Variants in TAFA2 observed in about 807,000 individuals in gnomAD.
TAFA2 encodes the protein TAFA chemokine like family member 2.
TAFA2 carries 7 observed loss-of-function variants against 18.8 expected under a neutral mutation model. The observed-to-expected ratio is 0.37, with a 90% CI of 0.21 to 0.70. The LOEUF (loss-of-function observed/expected upper bound fraction) is 0.70. Among genes scored for constraint, TAFA2 ranks in the 30% least tolerant of loss-of-function variants. The pLI is 0.53. For missense variants in TAFA2, 122 were observed against 158.1 expected (o/e 0.77, Z 1.23); for synonymous variants, 60 against 54.2 (o/e 1.11, Z -0.47).
chr12:61,766,467 G>A (rs894371477), intron 2 of TAFA2, among the ~76,000 whole-genome samples: 1 of 152,026 alleles, frequency 6.6e-6, no homozygotes, highest in Non-Finnish European at 1.5e-5. Context: ...TCAAGATTTA[G>A]AGCATCACAT....
rs541430312 is a variant in TAFA2 at position 62,172,788 on chromosome 12, A to G, written c.-2+18471T>C. On this transcript the variant is annotated intron_variant, in intron 1 of 4. Transcript: ENST00000416284. ...TTTCACATATTAAGATAGAATTTAAATGCTAGTAACCTTGATAAATTTAAA... is the reference window on the plus strand; with the variant it reads ...TTTCACATATTAAGATAGAATTTAAGTGCTAGTAACCTTGATAAATTTAAA... 3.5e-4 allele frequency among the ~76,000 whole-genome samples: 53 copies of G among 152,350 alleles called. No individual in the cohort carries two copies. In the South Asian group the frequency reaches 8.9e-3, roughly 26 times the overall value.
chr12:62,126,750 G>C (rs1381563741), intron 1 of TAFA2, among the ~76,000 whole-genome samples: 1 of 152,108 alleles, frequency 6.6e-6, no homozygotes, highest in African/African-American at 2.4e-5. Context: ...ACGCCGGAGA[G>C]CCACAGAAGG....
chr12:61,762,426 T>C (rs1203614192), intron 2 of TAFA2, among the ~76,000 whole-genome samples: 1 of 152,008 alleles, frequency 6.6e-6, no homozygotes, highest in African/African-American at 2.4e-5. Context: ...ACCTCTAAAA[T>C]GGCTTTCTAG....
At chr12:62,097,176 C>T (rs969098475) in intron 1 of TAFA2, among the ~76,000 whole-genome samples, 5 of 152,050 alleles carry the variant, frequency 3.3e-5, no homozygotes, top group Non-Finnish European at 7.4e-5. Context: ...TCTCTAATTG[C>T]AAGGAGCTTA....
intron 2 of TAFA2, among the ~76,000 whole-genome samples, chr12:61,788,810 C>A (rs979930104): frequency 6.6e-6 from 1 of 151,678 alleles, no homozygotes; most frequent in Admixed American, 6.6e-5. Context: ...AATTCCTGGA[C>A]ACACAAAACT....
chr12:62,029,980 C>T (rs1012853544), intron 1 of TAFA2, among the ~76,000 whole-genome samples: 5 of 152,072 alleles, frequency 3.3e-5, no homozygotes, highest in Non-Finnish European at 2.9e-5. Flanking sequence ...GCTTTCAGAG[C>T]TTCATTTACC....
At chr12:61,734,826 T>C (rs1868278084) in intron 4 of TAFA2, among the ~76,000 whole-genome samples, 1 of 152,062 alleles carries the variant, frequency 6.6e-6, no homozygotes, top group Non-Finnish European at 1.5e-5. Context: ...TACAGTTCAG[T>C]GGTAATAACT....
intron 2 of TAFA2, among the ~76,000 whole-genome samples, chr12:61,823,099 A>G (rs1033028333): frequency 6.6e-6 from 1 of 152,180 alleles, no homozygotes; most frequent in Non-Finnish European, 1.5e-5. Context: ...TCATTTAGAA[A>G]CTTTTTAAAA....
intron 2 of TAFA2, among the ~76,000 whole-genome samples, chr12:61,786,035 G>A (rs780821606): frequency 6.6e-6 from 1 of 151,564 alleles, no homozygotes; most frequent in African/African-American, 2.4e-5. Context: ...GCTGCATAGA[G>A]AGAGGGCAGG....
intron 1 of TAFA2, among the ~76,000 whole-genome samples, chr12:61,955,916 T>C (rs1345441757): frequency 1.3e-5 from 2 of 151,790 alleles, no homozygotes; most frequent in Non-Finnish European, 2.9e-5. Context: ...AGTGTTATAA[T>C]CTTAGCGATT....
At chr12:61,878,508 A>G (rs374841313) in intron 1 of TAFA2, among the ~76,000 whole-genome samples, 4 of 152,326 alleles carry the variant, frequency 2.6e-5, no homozygotes, top group African/African-American at 9.6e-5. Flanking sequence ...ACAATCTACT[A>G]TAAGAGCACA....
chr12:61,905,116 C>A (rs1045549220), intron 1 of TAFA2, among the ~76,000 whole-genome samples: 4 of 152,162 alleles, frequency 2.6e-5, no homozygotes, highest in African/African-American at 4.8e-5. Context: ...AGGAATATGA[C>A]CAAACAGTAT....
intron 2 of TAFA2, among the ~76,000 whole-genome samples, chr12:61,771,877 A>G (rs138821093): frequency 0.012 from 1,864 of 149,322 alleles, 18 homozygotes; most frequent in Non-Finnish European, 0.021. Flanking sequence ...AAAAAATAAC[A>G]AAGGTTAGAC....
intron 2 of TAFA2, among the ~76,000 whole-genome samples, chr12:61,799,676 G>T (rs527466900): frequency 3.3e-5 from 5 of 152,182 alleles, no homozygotes; most frequent in African/African-American, 1.2e-4. Flanking sequence ...CAAAAAATTA[G>T]CCGGGCGTGG....
At chr12:62,165,214 C>A (rs1465461084) in intron 1 of TAFA2, among the ~76,000 whole-genome samples, 2 of 152,030 alleles carry the variant, frequency 1.3e-5, no homozygotes, top group African/African-American at 2.4e-5. Context: ...TTCTTTTAAC[C>A]TTTCTGCTGC....
intron 1 of TAFA2, among the ~76,000 whole-genome samples, chr12:62,088,325 G>A (rs1232664061): frequency 2.0e-5 from 3 of 151,214 alleles, no homozygotes; most frequent in East Asian, 3.9e-4. Flanking sequence ...AAAAAAACAA[G>A]GCAAATTGAA....
intron 1 of TAFA2, among the ~76,000 whole-genome samples, chr12:61,989,606 C>T (rs574824442): frequency 1.3e-5 from 2 of 152,268 alleles, no homozygotes; most frequent in South Asian, 2.1e-4. Context: ...GGCCCGCTCA[C>T]GGCTTGTTTT....
intron 1 of TAFA2, among the ~76,000 whole-genome samples, chr12:62,187,489 ATATG>A (rs548705380): frequency 1.4e-4 from 22 of 152,174 alleles, no homozygotes; most frequent in African/African-American, 2.4e-4. Context: ...CATTTAAAGC[ATATG>A]TATGTATGTA....
At chr12:62,176,109 C>T (rs1432144554) in intron 1 of TAFA2, among the ~76,000 whole-genome samples, 2 of 152,090 alleles carry the variant, frequency 1.3e-5, no homozygotes, top group Non-Finnish European at 1.5e-5. Flanking sequence ...TATTACCATA[C>T]AATATCTGCT....
Sources: allele counts gnomAD v4.1 joint callset (sites outside exome capture counted in the v4.1 genomes callset), GRCh38; gene constraint gnomAD v4.1.1; transcripts MANE v1.5; gene names NCBI Gene and HGNC (gene_info 2026-07-23, HGNC 2026-07-21).